RNF130: variants seen among roughly 807,000 people sequenced by gnomAD.
RNF130 encodes ring finger protein 130.
RNF130 carries 21 observed loss-of-function variants against 44.6 expected under a neutral mutation model. That is an observed-to-expected ratio of 0.47 (90% CI 0.33 to 0.68). RNF130 has a LOEUF of 0.68. Among genes scored for constraint, RNF130 ranks in the 30% least tolerant of loss-of-function variants. The pLI, the probability that RNF130 is intolerant of heterozygous loss-of-function variation, is 0.02. For missense variants in RNF130, 479 were observed against 560.6 expected, an observed-to-expected ratio of 0.85 and a Z score of 1.47; for synonymous variants, 214 against 210.4, an observed-to-expected ratio of 1.02 and a Z score of -0.15.
chr5:180,053,307 C>A (rs1408083293), intron 1 of RNF130, among the ~76,000 whole-genome samples: 1 of 152,046 alleles, frequency 6.6e-6, no homozygotes, highest in Non-Finnish European at 1.5e-5. Flanking sequence ...TGCCCGAACC[C>A]AATGCAGGCC....
intron 2 of RNF130, among the ~76,000 whole-genome samples, chr5:180,014,505 G>A (rs1763669698): frequency 6.6e-6 from 1 of 152,090 alleles, no homozygotes; most frequent in African/African-American, 2.4e-5. Flanking sequence ...TTTGAATAAG[G>A]TTTGTACATA....
chr5:180,019,383 CAA>C (rs56691249), intron 2 of RNF130, among the ~76,000 whole-genome samples: 33 of 111,736 alleles, frequency 3.0e-4, no homozygotes, highest in Middle Eastern at 4.4e-3. Context: ...GACTCTGTCT[CAA>C]AAAAAAAAAA....
chr5:180,010,140 C>T (rs966053977), intron 3 of RNF130, among the ~76,000 whole-genome samples: 4 of 148,246 alleles, frequency 2.7e-5, no homozygotes, highest in South Asian at 2.1e-4. Flanking sequence ...CCAGCTACTC[C>T]GGAGGCTGAG....
chr5:179,945,603 G>A (rs930904728), intron 7 of RNF130, among the ~76,000 whole-genome samples: 1 of 152,084 alleles, frequency 6.6e-6, no homozygotes, highest in African/African-American at 2.4e-5. Flanking sequence ...ACACCGCGGT[G>A]GACAGTCTAA....
intron 6 of RNF130, among the ~76,000 whole-genome samples, chr5:179,968,022 G>A (rs1158979088): frequency 3.9e-5 from 6 of 152,288 alleles, no homozygotes; most frequent in African/African-American, 9.6e-5. Context: ...CAGGCTGGGC[G>A]CGGTGGCTCA....
At chr5:179,917,746 A>T (rs1338955160) in exon 8 of RNF130, 1 of 152,246 alleles carries the variant, frequency 6.6e-6, no homozygotes, top group Non-Finnish European at 1.5e-5. Context: ...TCACAACTGG[A>T]ATCCCGGAAC....
chr5:180,050,100 T>C (rs1167436228), intron 1 of RNF130, among the ~76,000 whole-genome samples: 1 of 152,224 alleles, frequency 6.6e-6, no homozygotes, highest in Non-Finnish European at 1.5e-5. Flanking sequence ...AAAATCAAGG[T>C]GTAGGCAGGG....
At chr5:179,976,805 C>T (rs929196471) in intron 5 of RNF130, 16 of 151,534 alleles carry the variant, frequency 1.1e-4, no homozygotes, top group Non-Finnish European at 1.8e-4. Context: ...TTTATTAATT[C>T]ACATGCTCCA....
chr5:179,993,548 T>C (rs1763137407), intron 3 of RNF130, among the ~76,000 whole-genome samples: 1 of 152,146 alleles, frequency 6.6e-6, no homozygotes, highest in Non-Finnish European at 1.5e-5. Context: ...GTCTGTATCC[T>C]TTGCCCACTT....
rs1436527563 is a variant in RNF130, at chr5:179,930,221, C to A, written c.1151-9795G>T. On this transcript the variant is annotated intron_variant, in intron 7 of 7. Coordinates refer to the RNF130 transcript ENST00000522208. ...TACAGGCATCTGCCACCACACCCGG[C>A]TAATTTTTGTATTTTTAGTAGAGAT... Among the ~76,000 whole-genome samples, 4 of 152,164 alleles carry A rather than the reference C, an allele frequency of 2.6e-5. No individual in the cohort carries two copies. In the East Asian group the frequency reaches 7.7e-4, roughly 29 times the overall value.
intron 7 of RNF130, among the ~76,000 whole-genome samples, chr5:179,949,036 G>T (rs1762086785): frequency 6.8e-6 from 1 of 147,072 alleles, no homozygotes; most frequent in South Asian, 2.1e-4. Context: ...TACCATCTCA[G>T]CTCACTGCAA....
chr5:179,997,025 T>C (rs1763215346), intron 3 of RNF130, among the ~76,000 whole-genome samples: 1 of 152,228 alleles, frequency 6.6e-6, no homozygotes, highest in Admixed American at 6.5e-5. Flanking sequence ...GGTTTTCTAT[T>C]TCCTCTTGAA....
At chr5:179,922,455 G>A (rs1180338664) in intron 7 of RNF130, among the ~76,000 whole-genome samples, 1 of 152,064 alleles carries the variant, frequency 6.6e-6, no homozygotes, top group Non-Finnish European at 1.5e-5. Context: ...TGAGATTACA[G>A]GCGTGGGCCA....
intron 1 of RNF130, among the ~76,000 whole-genome samples, chr5:180,051,413 C>T (rs1764686252): frequency 1.3e-5 from 2 of 151,914 alleles, no homozygotes; most frequent in South Asian, 4.2e-4. Flanking sequence ...TCACACCTGG[C>T]TAATTTTTTG....
At chr5:179,920,795 ATT>A (rs71959214) in intron 7 of RNF130, among the ~76,000 whole-genome samples, 4 of 143,414 alleles carry the variant, frequency 2.8e-5, no homozygotes, top group Non-Finnish European at 3.0e-5. Context: ...ATATATATAT[ATT>A]TTTTTTTTTG....
intron 3 of RNF130, among the ~76,000 whole-genome samples, chr5:179,995,330 T>A (rs2113042320): frequency 6.6e-6 from 1 of 152,136 alleles, no homozygotes; most frequent in Non-Finnish European, 1.5e-5. Flanking sequence ...CTCAGGCAAA[T>A]CTCCTGCTCC....
At chr5:179,997,187 G>A (rs2113047170) in intron 3 of RNF130, among the ~76,000 whole-genome samples, 1 of 152,178 alleles carries the variant, frequency 6.6e-6, no homozygotes, top group East Asian at 1.9e-4. Flanking sequence ...TGTTGCCCAG[G>A]CTGGAGTGCA....
intron 2 of RNF130, among the ~76,000 whole-genome samples, chr5:180,032,619 G>A (rs1764154910): frequency 6.6e-6 from 1 of 152,106 alleles, no homozygotes; most frequent in Non-Finnish European, 1.5e-5. Flanking sequence ...AATGATCGTG[G>A]CACTTTTGTT....
chr5:179,949,610 T>C (rs149288829), intron 7 of RNF130, among the ~76,000 whole-genome samples: 2 of 152,266 alleles, frequency 1.3e-5, no homozygotes, highest in Admixed American at 1.3e-4. Context: ...TAATCTCGAA[T>C]TTTTTAAATA....
Sources: allele counts gnomAD v4.1 joint callset (sites outside exome capture counted in the v4.1 genomes callset), GRCh38; gene constraint gnomAD v4.1.1; transcripts MANE v1.5; gene names NCBI Gene and HGNC (gene_info 2026-07-23, HGNC 2026-07-21).